Variants in LMNTD1 observed in about 807,000 individuals in gnomAD.
The protein encoded by LMNTD1 is lamin tail domain containing 1.
A neutral mutation model predicts 50.9 loss-of-function variants in LMNTD1; 35 were observed. The ratio of observed to expected loss-of-function variants is 0.69; its 90% CI spans 0.53 to 0.91. LMNTD1 has a LOEUF of 0.91. Ranked by LOEUF, LMNTD1 falls within the 40% of genes least tolerant of loss-of-function variation. The probability of loss-of-function intolerance (pLI) is 0.00; values close to 1 mark genes in which losing one functional copy is unlikely to be tolerated. For missense variants in LMNTD1, 470 were observed against 475.5 expected (o/e 0.99, Z 0.11); for synonymous variants, 153 against 161.9 (o/e 0.94, Z 0.42).
intron 9 of LMNTD1, among the ~76,000 whole-genome samples, chr12:25,496,680 T>C (rs1225126107): frequency 6.6e-6 from 1 of 152,210 alleles, no homozygotes; most frequent in Non-Finnish European, 1.5e-5. Flanking sequence ...AATATGATTT[T>C]CTTCCATCTT....
At chr12:25,593,216 C>T (rs963552399) in intron 1 of LMNTD1, among the ~76,000 whole-genome samples, 5 of 152,146 alleles carry the variant, frequency 3.3e-5, no homozygotes, top group East Asian at 1.9e-4. Context: ...ATAGCTAATG[C>T]TCTACTGAAA....
chr12:25,494,765 T>C (rs10842568), intron 9 of LMNTD1, among the ~76,000 whole-genome samples: 39,802 of 152,016 alleles, frequency 0.26, 5,463 homozygotes, highest in Middle Eastern at 0.34. Context: ...ATGTATACAT[T>C]GTGAAATGAT....
At chr12:25,515,123 C>T (rs1055481736) in intron 8 of LMNTD1, among the ~76,000 whole-genome samples, 2 of 151,982 alleles carry the variant, frequency 1.3e-5, no homozygotes, top group African/African-American at 4.8e-5. Flanking sequence ...CACAAGTAGA[C>T]TTGCACAAGG....
chr12:25,502,972 G>C (rs1280269142), intron 9 of LMNTD1: 1 of 152,194 alleles, frequency 6.6e-6, no homozygotes, highest in African/African-American at 2.4e-5. Context: ...GGAGAGTCCA[G>C]AATACCAACA....
chr12:25,513,290 A>G (rs748237883), intron 8 of LMNTD1, among the ~76,000 whole-genome samples: 4 of 152,214 alleles, frequency 2.6e-5, no homozygotes, highest in Non-Finnish European at 4.4e-5. Context: ...CACGATATAA[A>G]TTTATAAGCA....
chr12:25,487,310 G>T (rs1282592312), intron 9 of LMNTD1, among the ~76,000 whole-genome samples: 1 of 134,102 alleles, frequency 7.5e-6, no homozygotes, highest in Middle Eastern at 3.6e-3. Flanking sequence ...TTATGAATCT[G>T]GGTGCTCCTA....
intron 1 of LMNTD1, among the ~76,000 whole-genome samples, chr12:25,603,978 A>C (rs1040237125): frequency 2.6e-5 from 4 of 152,096 alleles, no homozygotes; most frequent in African/African-American, 9.7e-5. Context: ...GATCAGTCTT[A>C]CATGTCAGGC....
At chr12:25,544,567 T>A (rs1482238125) in intron 4 of LMNTD1, among the ~76,000 whole-genome samples, 1 of 151,850 alleles carries the variant, frequency 6.6e-6, no homozygotes, top group Non-Finnish European at 1.5e-5. Flanking sequence ...AGTATTATTA[T>A]TGAAAAGAAG....
intron 1 of LMNTD1, among the ~76,000 whole-genome samples, chr12:25,597,025 G>C: frequency 6.6e-6 from 1 of 151,870 alleles, no homozygotes; most frequent in Non-Finnish European, 1.5e-5. Flanking sequence ...GTATTTGCAG[G>C]CCTCATGATA....
At chr12:25,528,013 T>C (rs1301434881) in intron 4 of LMNTD1, among the ~76,000 whole-genome samples, 1 of 152,014 alleles carries the variant, frequency 6.6e-6, no homozygotes, top group African/African-American at 2.4e-5. Flanking sequence ...GACAGGGTGT[T>C]ATATGATATG....
upstream of LMNTD1, among the ~76,000 whole-genome samples, chr12:25,557,646 A>G (rs1307619651): frequency 1.3e-5 from 2 of 152,210 alleles, no homozygotes; most frequent in Non-Finnish European, 2.9e-5. Context: ...TTTGCAGAAC[A>G]CTATATTCTG....
chr12:25,637,285 G>T (rs1347088496), intron 1 of LMNTD1, among the ~76,000 whole-genome samples: 1 of 152,112 alleles, frequency 6.6e-6, no homozygotes, highest in African/African-American at 2.4e-5. Context: ...GGACCCAGAT[G>T]TCGGAATTAG....
intron 1 of LMNTD1, among the ~76,000 whole-genome samples, chr12:25,633,241 C>T (rs2136602753): frequency 6.6e-6 from 1 of 152,146 alleles, no homozygotes; most frequent in South Asian, 2.1e-4. Context: ...GCCTTCAATA[C>T]TCCACTGACA....
intron 9 of LMNTD1, among the ~76,000 whole-genome samples, chr12:25,488,938 T>C (rs1417862384): frequency 1.3e-5 from 2 of 152,210 alleles, no homozygotes; most frequent in Non-Finnish European, 2.9e-5. Flanking sequence ...GTTAGGCTGC[T>C]CGGGGGTCAG....
chr12:25,479,119 T>TAAC (rs1938363925), intron 9 of LMNTD1, among the ~76,000 whole-genome samples: 1 of 152,158 alleles, frequency 6.6e-6, no homozygotes, highest in Non-Finnish European at 1.5e-5. Context: ...GCCAACACTG[T>TAAC]AACTCCCTTC....
Position 25,546,373 on chromosome 12 carries a change from C to T in LMNTD1, c.491+1G>A, listed in dbSNP as rs1468487944. 1 of 1,567,372 alleles carries T rather than the reference C, an allele frequency of 6.4e-7. No homozygotes were observed. The highest frequency in any genetic ancestry group is 8.7e-7 in the Non-Finnish European group (1 of 1,153,596). Reference sequence around the variant, plus strand: ...CTAAGTAGTTCAAATAAAATATGTACCTGGAGGTAAATTGGCCAACTTCTT... The same window carrying T: ...CTAAGTAGTTCAAATAAAATATGTATCTGGAGGTAAATTGGCCAACTTCTT... On this transcript the variant is annotated splice_donor_variant, in intron 4 of 9. Coordinates refer to ENST00000458174, the MANE Select transcript of LMNTD1 (RefSeq NM_001145728.2). LOFTEE classifies it high-confidence loss of function.
At chr12:25,620,380 ACT>A (rs1946445402) in intron 1 of LMNTD1, among the ~76,000 whole-genome samples, 1 of 152,100 alleles carries the variant, frequency 6.6e-6, no homozygotes, top group African/African-American at 2.4e-5. Flanking sequence ...TATAAAATAT[ACT>A]TTTAAAATAC....
At chr12:25,646,320 C>T (rs145060246) in intron 1 of LMNTD1, among the ~76,000 whole-genome samples, 1 of 152,140 alleles carries the variant, frequency 6.6e-6, no homozygotes, top group African/African-American at 2.4e-5. Context: ...AGCTCCCTCT[C>T]ATCTCTCCTG....
intron 4 of LMNTD1, among the ~76,000 whole-genome samples, chr12:25,532,140 T>A (rs78413573): frequency 0.032 from 4,875 of 152,272 alleles, 291 homozygotes; most frequent in African/African-American, 0.11. Flanking sequence ...GGTCAACTCT[T>A]ATCTTTTGTA....
Sources: gnomAD v4.1 joint callset for allele counts (sites outside exome capture counted in the v4.1 genomes callset) on GRCh38, gnomAD v4.1.1 for gene constraint, MANE v1.5 for transcripts, NCBI Gene and HGNC (gene_info 2026-07-23, HGNC 2026-07-21) for gene names.